ZFYVE16: variants seen among roughly 807,000 people sequenced by gnomAD.
ZFYVE16 encodes zinc finger FYVE domain-containing protein 16.
A neutral mutation model predicts 138.1 loss-of-function variants in ZFYVE16; 89 were observed. The observed-to-expected ratio is 0.64, with a 90% CI of 0.54 to 0.77. ZFYVE16 has a LOEUF of 0.77. ZFYVE16 is among the 30% of genes least tolerant of loss of function. The probability of loss-of-function intolerance (pLI) is 0.00; values close to 1 mark genes in which losing one functional copy is unlikely to be tolerated. For missense variants in ZFYVE16, 1,793 were observed against 1,786.7 expected, an observed-to-expected ratio of 1.00 and a Z score of -0.06; for synonymous variants, 596 against 618.3, an observed-to-expected ratio of 0.96 and a Z score of 0.53.
chr5:80,460,669 G>T (rs1753004748), intron 15 of ZFYVE16, among the ~76,000 whole-genome samples: 1 of 152,080 alleles, frequency 6.6e-6, no homozygotes, highest in African/African-American at 2.4e-5. Context: ...CTTTGCCCTG[G>T]TAATTGTTAA....
chr5:80,438,413 T>C lies in ZFYVE16; in HGVS notation c.1728T>C (p.Asn576=). 1 of 1,613,860 alleles carries C rather than the reference T, an allele frequency of 6.2e-7. No individual in the cohort carries two copies. Among genetic ancestry groups the C allele is most frequent in the Non-Finnish European group, 8.5e-7 (1 of 1,179,830 alleles). ...GCTTAGATGATGGAAACATCAATAATATATATTTCAATGCAGAAGCAGGAG... is the reference window on the plus strand; with the variant it reads ...GCTTAGATGATGGAAACATCAATAACATATATTTCAATGCAGAAGCAGGAG... ...MKGLDDGNIN[N]IYFNAEAGAI... Residue 576 remains asparagine, a synonymous_variant, in exon 4 of 19, where the codon AAT becomes AAC. Coordinates refer to ENST00000505560, the MANE Select transcript of ZFYVE16 (RefSeq NM_001284236.3).
Position 80,437,781 on chromosome 5 carries a change from G to A in ZFYVE16, c.1096G>A (p.Val366Ile). Residue 366 changes from valine (V) to isoleucine (I), a missense_variant, in exon 4 of 19, where the codon GTT becomes ATT. Val to Ile is a conservative substitution (Grantham distance 29). Coordinates refer to ENST00000505560, the MANE Select transcript of ZFYVE16 (RefSeq NM_001284236.3). The stretch of plus-strand genomic sequence containing the variant: ...CCAAGATTCCTCTTCAGCTTTACAT[G>A]TTTCCAGTAAAGATGTGCCGTCCTC... ...VIQDSSSALHVSSKDVPSSLS... is the reference protein window; with the variant it reads ...VIQDSSSALHISSKDVPSSLS... 2 of 1,614,082 alleles carry A rather than the reference G, an allele frequency of 1.2e-6. No homozygotes were observed. The highest frequency in any genetic ancestry group is 8.5e-7 in the Non-Finnish European group (1 of 1,179,978).
chr5:80,436,745 C>T lies in ZFYVE16; in HGVS notation c.71-11C>T. On this transcript the variant is annotated splice_polypyrimidine_tract_variant and intron_variant, in intron 3 of 18. Transcript: ENST00000505560. ...TTAAGTCTCCCGAATAACACTGTTT[C>T]TCTATTTCAGATGAACAAGATTATC... 1 of 1,591,760 alleles carries T rather than the reference C, an allele frequency of 6.3e-7. No individual in the cohort carries two copies. The highest frequency in any genetic ancestry group is 8.6e-7 in the Non-Finnish European group (1 of 1,167,002).
chr5:80,432,231 A>T (rs1217597829), intron 2 of ZFYVE16, among the ~76,000 whole-genome samples: 1 of 152,218 alleles, frequency 6.6e-6, no homozygotes, highest in Non-Finnish European at 1.5e-5. Context: ...TGGTACCAAA[A>T]CAGAGATATA....
Position 80,477,461 on chromosome 5 carries a change from A to G in ZFYVE16, c.*84A>G. On this transcript the variant is annotated 3_prime_UTR_variant, in exon 19 of 19. Coordinates refer to ENST00000505560, the MANE Select transcript of ZFYVE16 (RefSeq NM_001284236.3). ...TAAAGCTGAAATGCCACAAACACTA[A>G]AAGTATAAATATGTCTGATTTTTGA... The G allele has an allele frequency of 1.5e-6, 2 of 1,322,808 alleles. No homozygotes were observed. Among genetic ancestry groups the G allele is most frequent in the Non-Finnish European group, 1.0e-6 (1 of 982,822 alleles). The allele number at this position is 1,322,808 out of a possible 1,614,324, so 81.9% of individuals were successfully genotyped here.
chr5:80,479,720 T>A lies in ZFYVE16; in HGVS notation c.*2343T>A, dbSNP rs908719952. 2.6e-5 allele frequency among the ~76,000 whole-genome samples: 4 copies of A among 152,020 alleles called. No individual in the cohort carries two copies. The highest frequency in any genetic ancestry group is 9.7e-5 in the African/African-American group (4 of 41,374). On this transcript the variant is annotated 3_prime_UTR_variant, in exon 19 of 19. Transcript: ENST00000505560. ...CAATAAGGAATGCCAAGTCCAAAAG[T>A]AAAGAGAATAAGAGAAGCAAGCATG...
At chr5:80,420,102 G>T (rs1420508717) in intron 1 of ZFYVE16, among the ~76,000 whole-genome samples, 1 of 145,784 alleles carries the variant, frequency 6.9e-6, no homozygotes, top group Admixed American at 6.9e-5. Context: ...GAGCCAGCGC[G>T]CCTGGCTTTT....
At position 80,450,398 on chromosome 5, in the gene ZFYVE16, G is replaced by C. The variant is rs774753787; in HGVS notation, c.3227-33G>C. ...CTTAGTTTTTTGACTAATAGAAGTTGACATTAATAGTTATATTCTTTTATC... is the reference window on the plus strand; with the variant it reads ...CTTAGTTTTTTGACTAATAGAAGTTCACATTAATAGTTATATTCTTTTATC... On this transcript the variant is annotated intron_variant, in intron 9 of 18. Coordinates refer to ENST00000505560, the MANE Select transcript of ZFYVE16 (RefSeq NM_001284236.3). 173 of 1,590,126 alleles carry C rather than the reference G, an allele frequency of 1.1e-4. 1 individual carries two copies. In the East Asian group the frequency reaches 3.8e-3, roughly 35 times the overall value.
At chr5:80,461,233 G>C (rs774882633) in intron 15 of ZFYVE16, among the ~76,000 whole-genome samples, 5 of 152,080 alleles carry the variant, frequency 3.3e-5, no homozygotes, top group Non-Finnish European at 5.9e-5. Context: ...AAAAAAGTCT[G>C]AAATCTGAAA....
chr5:80,469,078 T>C lies in ZFYVE16; in HGVS notation c.4025-3683T>C, dbSNP rs539768933. Reference sequence around the variant, plus strand: ...AGATATCCATATATTTTTCTTCTTATTTCTTTTCTTTCTCTCTTTTTTTTT... The same window carrying C: ...AGATATCCATATATTTTTCTTCTTACTTCTTTTCTTTCTCTCTTTTTTTTT... On this transcript the variant is annotated intron_variant, in intron 15 of 18. Transcript: ENST00000505560. Among the ~76,000 whole-genome samples the C allele has an allele frequency of 4.0e-5, 6 of 151,676 alleles. No homozygotes were observed. In the South Asian group the frequency reaches 1.0e-3, roughly 26 times the overall value.
In ZFYVE16 at chr5:80,437,806, C is replaced by T. The variant is rs1750149288; in HGVS notation, c.1121C>T (p.Ser374Leu). The change falls in exon 4 of 19, where the codon TCA (serine) becomes TTA (leucine). Residue 374 changes from serine (S) to leucine (L), a missense_variant. Ser to Leu is a moderately radical substitution (Grantham distance 145). Transcript: ENST00000505560. ...GTTTCCAGTAAAGATGTGCCGTCCT[C>T]ATTGTCCTGTCTTCCTGCGTCTGGG... The part of the protein sequence containing the change: ...LHVSSKDVPS[S>L]LSCLPASGSM... 4 of 1,613,958 alleles carry T rather than the reference C, an allele frequency of 2.5e-6. No individual in the cohort carries two copies. The highest frequency in any genetic ancestry group is 1.3e-5 in the African/African-American group (1 of 74,926).
chr5:80,477,279 G>A lies in ZFYVE16; in HGVS notation c.4522G>A (p.Asp1508Asn). Residue 1508 changes from aspartate (D) to asparagine (N), a missense_variant, in exon 19 of 19, where the codon GAT becomes AAT. Asp to Asn is a conservative substitution (Grantham distance 23, BLOSUM62 1). Transcript: ENST00000505560. ...LLPQHYLNDL[D>N]SALIPVIHGG... is the part of the protein sequence containing the mutation. The stretch of plus-strand genomic sequence containing the variant: ...GCCTCAGCATTATCTAAATGATCTT[G>A]ATAGTGCTCTGATACCTGTGATCCA... The A allele has an allele frequency of 6.2e-7, 1 of 1,608,286 alleles. No individual in the cohort carries two copies. The highest frequency in any genetic ancestry group is 8.5e-7 in the Non-Finnish European group (1 of 1,178,316).
At chr5:80,474,851 G>A (rs1232447654) in intron 18 of ZFYVE16, 21 bp downstream of exon 18, 3 of 1,578,680 alleles carry the variant, frequency 1.9e-6, no homozygotes, top group Non-Finnish European at 2.6e-6. Context: ...TTTTTGTGAT[G>A]TATTTTTGAA....
chr5:80,468,794 C>G (rs1184999739), intron 15 of ZFYVE16, among the ~76,000 whole-genome samples: 1 of 152,050 alleles, frequency 6.6e-6, no homozygotes, highest in Non-Finnish European at 1.5e-5. Context: ...ATTATATACT[C>G]TTATTTATAA....
At chr5:80,462,631 C>T (rs879164097) in intron 15 of ZFYVE16, among the ~76,000 whole-genome samples, 1 of 152,176 alleles carries the variant, frequency 6.6e-6, no homozygotes, top group Non-Finnish European at 1.5e-5. Flanking sequence ...TTTCAAGACA[C>T]AAACATGCCT....
intron 2 of ZFYVE16, among the ~76,000 whole-genome samples, chr5:80,433,074 A>G (rs1405379321): frequency 6.6e-6 from 1 of 152,222 alleles, no homozygotes; most frequent in African/African-American, 2.4e-5. Context: ...TGACCCAGCC[A>G]TCCCATTACT....
chr5:80,411,864 A>C (rs1440539424), intron 1 of ZFYVE16: 2 of 152,156 alleles, frequency 1.3e-5, no homozygotes, highest in Non-Finnish European at 2.9e-5. Flanking sequence ...ACCACCATCT[A>C]CCCTAGCCAC....
At chr5:80,457,766 G>T (rs1321377952) in intron 14 of ZFYVE16, among the ~76,000 whole-genome samples, 2 of 151,998 alleles carry the variant, frequency 1.3e-5, no homozygotes, top group African/African-American at 4.8e-5. Context: ...AGTGGCTCAC[G>T]CCTGTAATCC....
intron 15 of ZFYVE16, among the ~76,000 whole-genome samples, chr5:80,470,108 T>A (rs1414437125): frequency 2.2e-5 from 1 of 45,234 alleles, no homozygotes; most frequent in Non-Finnish European, 9.8e-5. Flanking sequence ...TGTATTTTTT[T>A]TTTTTTTTTT....
Sources: gnomAD v4.1 joint callset for allele counts (sites outside exome capture counted in the v4.1 genomes callset) on GRCh38, gnomAD v4.1.1 for gene constraint, MANE v1.5 for transcripts, NCBI Gene and HGNC (gene_info 2026-07-23, HGNC 2026-07-21) for gene names.